BMPR2: variants seen among roughly 807,000 people sequenced by gnomAD.
BMPR2 encodes the protein bone morphogenetic protein receptor type-2.
BMPR2 carries 29 observed loss-of-function variants against 100.8 expected under a neutral mutation model. The ratio of observed to expected loss-of-function variants is 0.29; its 90% CI spans 0.21 to 0.39. The LOEUF is 0.39. Ranked by LOEUF, BMPR2 falls within the 10% of genes least tolerant of loss-of-function variation. The pLI, the probability that BMPR2 is intolerant of heterozygous loss-of-function variation, is 1.00. For synonymous variants in BMPR2, 382 were observed against 442.3 expected (o/e 0.86, Z 1.71); for missense variants, 1,011 against 1,274.5 (o/e 0.79, Z 3.15).
At chr2:202,380,464 G>A (rs1690258144) in intron 1 of BMPR2, among the ~76,000 whole-genome samples, 1 of 152,002 alleles carries the variant, frequency 6.6e-6, no homozygotes, top group African/African-American at 2.4e-5. Flanking sequence ...TGTGGGTACT[G>A]CAACAGAATT....
chr2:202,519,227 A>G (rs555570455), intron 6 of BMPR2, among the ~76,000 whole-genome samples, 175 bp downstream of exon 6: 1 of 152,274 alleles, frequency 6.6e-6, no homozygotes, highest in East Asian at 1.9e-4. Flanking sequence ...GCCGGGTATG[A>G]TGGCACACAT....
Position 202,538,793 on chromosome 2 carries a change from C to CAA in BMPR2, c.1277-3497_1277-3496dup, listed in dbSNP as rs34853164. On this transcript the variant is annotated intron_variant, in intron 9 of 12. Coordinates refer to ENST00000374580, the MANE Select transcript of BMPR2 (RefSeq NM_001204.7). ...TGGGTGACAAAGCGAGACTCTGTCTCAAAAAAAAAAAAAAAAAAAAAAGTG... is the reference window on the plus strand; with the variant it reads ...TGGGTGACAAAGCGAGACTCTGTCTCAAAAAAAAAAAAAAAAAAAAAAAAGTG... 1.3e-3 allele frequency among the ~76,000 whole-genome samples: 76 copies of CAA among 59,658 alleles called. No homozygotes were observed. The Middle Eastern group carries it at 0.026, about 20-fold the overall frequency. The allele number at this position is 59,658 out of a possible 152,430, so 39.1% of individuals were successfully genotyped here.
At chr2:202,553,599 G>GCATC (rs1688517098) in intron 11 of BMPR2, among the ~76,000 whole-genome samples, 1 of 151,880 alleles carries the variant, frequency 6.6e-6, no homozygotes, top group Admixed American at 6.6e-5. Context: ...TTTCAGAAAG[G>GCATC]CATCCAGGAA....
At chr2:202,457,140 A>T (rs547718832) in intron 1 of BMPR2, among the ~76,000 whole-genome samples, 4 of 152,112 alleles carry the variant, frequency 2.6e-5, no homozygotes, top group African/African-American at 9.6e-5. Context: ...CTACCTACCT[A>T]CCTATCAATC....
intron 3 of BMPR2, among the ~76,000 whole-genome samples, chr2:202,501,263 T>G (rs749074424): frequency 1.3e-5 from 2 of 152,150 alleles, no homozygotes; most frequent in Non-Finnish European, 2.9e-5. Context: ...ATTAAAACAT[T>G]TGAGGGGGTT....
chr2:202,422,142 C>T (rs1216939591), intron 1 of BMPR2, among the ~76,000 whole-genome samples: 3 of 152,066 alleles, frequency 2.0e-5, no homozygotes, highest in East Asian at 1.9e-4. Flanking sequence ...CTCCTGACTT[C>T]GTGATCTGCC....
chr2:202,443,930 C>G (rs1574452338), intron 1 of BMPR2, among the ~76,000 whole-genome samples: 1 of 150,308 alleles, frequency 6.7e-6, no homozygotes, highest in Non-Finnish European at 1.5e-5. Context: ...AAGATTTTGC[C>G]AGCATCCTTG....
intron 3 of BMPR2, among the ~76,000 whole-genome samples, chr2:202,497,676 C>T (rs929420449): frequency 3.3e-5 from 5 of 152,214 alleles, no homozygotes; most frequent in African/African-American, 1.2e-4. Context: ...ACTTGCCCAT[C>T]TATCGTATCT....
At chr2:202,464,182 GAA>G (rs1692274896) in intron 1 of BMPR2, among the ~76,000 whole-genome samples, 2 of 117,338 alleles carry the variant, frequency 1.7e-5, no homozygotes, top group African/African-American at 3.1e-5. Flanking sequence ...AAAAAAAAAA[GAA>G]TTTTTTTTTA....
intron 1 of BMPR2, among the ~76,000 whole-genome samples, chr2:202,380,476 C>T (rs911425652): frequency 6.6e-6 from 1 of 152,008 alleles, no homozygotes; most frequent in Admixed American, 6.6e-5. Context: ...AACAGAATTA[C>T]CTGGGGTTCT....
At chr2:202,473,859 C>T (rs1359485998) in intron 3 of BMPR2, among the ~76,000 whole-genome samples, 1 of 152,010 alleles carries the variant, frequency 6.6e-6, no homozygotes, top group Non-Finnish European at 1.5e-5. Flanking sequence ...GTAATCCCAG[C>T]ACGTTGGGAG....
rs962717777 is a variant in BMPR2 at position 202,481,991 on chromosome 2, C to G, written c.418+14302C>G. ...ATTAAATAACAACTCACTATTACCC[C>G]TTCTTCTCAGGCCCTCCAGCCACCC... is the stretch of plus-strand genomic sequence containing the variant. On this transcript the variant is annotated intron_variant, in intron 3 of 12. Transcript: ENST00000374580. Among the ~76,000 whole-genome samples the G allele has an allele frequency of 2.6e-5, 4 of 152,154 alleles. No homozygotes were observed. The East Asian group carries it at 5.8e-4, about 22-fold the overall frequency.
At chr2:202,506,498 C>T (rs994340229) in intron 3 of BMPR2, among the ~76,000 whole-genome samples, 1 of 152,102 alleles carries the variant, frequency 6.6e-6, no homozygotes, top group Non-Finnish European at 1.5e-5. Flanking sequence ...GGCCCAAACC[C>T]ATTCATGAGG....
At chr2:202,494,954 G>C (rs530354779) in intron 3 of BMPR2, among the ~76,000 whole-genome samples, 6 of 152,142 alleles carry the variant, frequency 3.9e-5, no homozygotes, top group Admixed American at 6.6e-5. Flanking sequence ...TGCGTGATGC[G>C]GGGTGTGGCT....
At chr2:202,558,424 A>C (rs971805595) in intron 12 of BMPR2, among the ~76,000 whole-genome samples, 9 of 152,102 alleles carry the variant, frequency 5.9e-5, no homozygotes, top group Non-Finnish European at 1.3e-4. Context: ...TTTCTCTTTT[A>C]GACTAAGGCA....
At chr2:202,551,903 G>A (rs766563872) in intron 10 of BMPR2, among the ~76,000 whole-genome samples, 9 of 145,142 alleles carry the variant, frequency 6.2e-5, no homozygotes, top group Non-Finnish European at 3.0e-5. Context: ...TCACTCTGTC[G>A]CCCAGTCTGG....
At chr2:202,446,556 G>T (rs1158474343) in intron 1 of BMPR2, among the ~76,000 whole-genome samples, 2 of 150,012 alleles carry the variant, frequency 1.3e-5, no homozygotes, top group Non-Finnish European at 2.9e-5. Context: ...TATAGTATTA[G>T]TGTAACAGAG....
At chr2:202,551,551 C>T (rs917719889) in intron 10 of BMPR2, among the ~76,000 whole-genome samples, 1 of 152,008 alleles carries the variant, frequency 6.6e-6, no homozygotes, top group Non-Finnish European at 1.5e-5. Context: ...AAAAAACTAG[C>T]TTTCCCCCAA....
chr2:202,548,311 G>A (rs1688411453), intron 10 of BMPR2, among the ~76,000 whole-genome samples: 2 of 151,816 alleles, frequency 1.3e-5, no homozygotes, highest in Non-Finnish European at 2.9e-5. Context: ...CTTCAGCCAG[G>A]TGCAATAGTG....
Sources: allele counts gnomAD v4.1 joint callset (sites outside exome capture counted in the v4.1 genomes callset), GRCh38; gene constraint gnomAD v4.1.1; transcripts MANE v1.5; gene names NCBI Gene and HGNC (gene_info 2026-07-23, HGNC 2026-07-21).